Variants in SEMA7A observed in about 807,000 individuals in gnomAD.
SEMA7A encodes the protein semaphorin-7A.
SEMA7A carries 21 observed loss-of-function variants against 67.5 expected under a neutral mutation model. The observed-to-expected ratio is 0.31, with a 90% CI of 0.22 to 0.45. The LOEUF is 0.45. Among genes scored for constraint, SEMA7A ranks in the 20% least tolerant of loss-of-function variants. The pLI, the probability that SEMA7A is intolerant of heterozygous loss-of-function variation, is 1.00. For synonymous variants in SEMA7A, 364 were observed against 368.5 expected (o/e 0.99, Z 0.14); for missense variants, 774 against 908.6 (o/e 0.85, Z 1.90).
At chr15:74,416,352 C>A (rs2060948375) in intron 7 of SEMA7A, among the ~76,000 whole-genome samples, 1 of 152,088 alleles carries the variant, frequency 6.6e-6, no homozygotes, top group South Asian at 2.1e-4. Context: ...CCCCATCATA[C>A]ACACGCTCAC....
Position 74,423,446 on chromosome 15 carries a change from G to A in SEMA7A, c.179-4494C>T, listed in dbSNP as rs2061017367. Among the ~76,000 whole-genome samples the A allele has an allele frequency of 6.6e-6, 1 of 152,150 alleles. No individual in the cohort carries two copies. The highest frequency in any genetic ancestry group is 2.4e-5 in the African/African-American group (1 of 41,436). On this transcript the variant is annotated intron_variant, in intron 1 of 13. Coordinates refer to ENST00000261918, the MANE Select transcript of SEMA7A (RefSeq NM_003612.5). The surrounding 1 kb of genome is among the most constrained non-coding windows in gnomAD (Gnocchi z 4.1). ...ACCGGCCCAAGGACACAGAGCGAGG[G>A]AAGCTCCAAGTTTCCAGTACCCATT...
Position 74,417,910 on chromosome 15 carries a change from G to A in SEMA7A, c.432C>T (p.Gly144=). 6.2e-7 allele frequency: 1 copy of A among 1,613,366 alleles called. No homozygotes were observed. Among genetic ancestry groups the A allele is most frequent in the African/African-American group, 1.3e-5 (1 of 75,052 alleles). ...AGCAGCTGGGGTGCCGGGCGTTGGTGCCACAGGCCAGCAGCCCCTCACTCC... is the reference window on the plus strand; with the variant it reads ...AGCAGCTGGGGTGCCGGGCGTTGGTACCACAGGCCAGCAGCCCCTCACTCC... ...ERRSEGLLAC[G]TNARHPSCWN... Residue 144 remains glycine, a synonymous_variant, in exon 4 of 14, where the codon GGC becomes GGT. Coordinates refer to ENST00000261918, the MANE Select transcript of SEMA7A (RefSeq NM_003612.5).
intron 10 of SEMA7A, among the ~76,000 whole-genome samples, 186 bp from the exon 11 acceptor site, chr15:74,412,198 A>T (rs2060908088): frequency 6.6e-6 from 1 of 152,188 alleles, no homozygotes; most frequent in Non-Finnish European, 1.5e-5. Flanking sequence ...GAACCTTCCA[A>T]GGCTGATCCA....
chr15:74,421,588 C>T (rs1055397534), intron 1 of SEMA7A, among the ~76,000 whole-genome samples: 5 of 152,224 alleles, frequency 3.3e-5, no homozygotes, highest in African/African-American at 1.2e-4. Context: ...GAGGGAATGA[C>T]ACCAGCTCAG....
chr15:74,417,814 A>C (rs943715053), intron 4 of SEMA7A, 63 bp downstream of exon 4: 1 of 1,575,154 alleles, frequency 6.3e-7, no homozygotes, highest in Admixed American at 1.7e-5. Flanking sequence ...TCCCACCATG[A>C]GGGGCAGAAG....
At chr15:74,417,516 CAA>C in intron 5 of SEMA7A, 71 bp from the exon 6 acceptor site, 1 of 1,587,244 alleles carries the variant, frequency 6.3e-7, no homozygotes, top group Non-Finnish European at 8.6e-7. Flanking sequence ...GGACACTGGA[CAA>C]AGAGCTGACC....
chr15:74,413,033 C>G (rs192885227), intron 10 of SEMA7A, among the ~76,000 whole-genome samples: 101 of 152,292 alleles, frequency 6.6e-4, no homozygotes, highest in Admixed American at 2.1e-3. Context: ...CCCTCTCTCC[C>G]TCCCTCCCAA....
chr15:74,432,876 C>T (rs2061101195), intron 1 of SEMA7A, among the ~76,000 whole-genome samples: 2 of 152,086 alleles, frequency 1.3e-5, no homozygotes, highest in African/African-American at 4.8e-5. Flanking sequence ...AAACCCCCGC[C>T]TAACCGGCTT....
In SEMA7A at chr15:74,414,820, G is replaced by A. The variant is rs757502834; in HGVS notation, c.1095+18C>T. ...AGAAGGAGGGCTGGGCCTGGGCCAC[G>A]GCTGGTGTCACGCTCACCTTGCCAG... On this transcript the variant is annotated intron_variant, in intron 9 of 13. Transcript: ENST00000261918. This position sits in a 1 kb window ranked among gnomAD's most constrained non-coding sequence, Gnocchi z 4.1. 5.0e-5 allele frequency: 81 copies of A among 1,613,758 alleles called. 1 individual carries two copies. The South Asian group carries it at 6.7e-4, about 13-fold the overall frequency.
At chr15:74,424,999 G>T (rs2061031791) in intron 1 of SEMA7A, among the ~76,000 whole-genome samples, 1 of 152,236 alleles carries the variant, frequency 6.6e-6, no homozygotes. Flanking sequence ...GTGGAGGGAG[G>T]GAGGCAGGTG....
intron 1 of SEMA7A, among the ~76,000 whole-genome samples, chr15:74,425,172 G>A (rs2061033389): frequency 1.3e-5 from 2 of 152,258 alleles, no homozygotes; most frequent in Admixed American, 6.5e-5. Context: ...GCCAGAGGAG[G>A]AGGAGGAAGA....
At chr15:74,429,637 C>T (rs1017755856) in intron 1 of SEMA7A, among the ~76,000 whole-genome samples, 1 of 152,250 alleles carries the variant, frequency 6.6e-6, no homozygotes, top group East Asian at 1.9e-4. Context: ...CTGCCTGCCA[C>T]GGCCCTTCTC....
rs557589457 is a variant in SEMA7A at position 74,411,259 on chromosome 15, T to C, written c.1639+36A>G. The stretch of plus-strand genomic sequence containing the variant: ...TCAGGGCAGGGCAGTACCCCACTCA[T>C]TGGGCCACAGCCGCCAGCAGGGCCA... On this transcript the variant is annotated intron_variant, in intron 13 of 13. Coordinates refer to ENST00000261918, the MANE Select transcript of SEMA7A (RefSeq NM_003612.5). This position sits in a 1 kb window ranked among gnomAD's most constrained non-coding sequence, Gnocchi z 4.4. The C allele has an allele frequency of 1.1e-5, 18 of 1,604,054 alleles. No individual in the cohort carries two copies. The highest frequency in any genetic ancestry group is 3.4e-5 in the Admixed American group (2 of 59,650).
intron 1 of SEMA7A, among the ~76,000 whole-genome samples, chr15:74,433,093 G>A (rs921642422): frequency 6.6e-6 from 1 of 152,148 alleles, no homozygotes; most frequent in South Asian, 2.1e-4. Flanking sequence ...CGGGCAAGGG[G>A]GGAGCGGCCG....
chr15:74,414,434 T>C lies in SEMA7A; in HGVS notation c.1294+113A>G. On this transcript the variant is annotated intron_variant, in intron 10 of 13. Coordinates refer to ENST00000261918, the MANE Select transcript of SEMA7A (RefSeq NM_003612.5). This position sits in a 1 kb window ranked among gnomAD's most constrained non-coding sequence, Gnocchi z 4.1. ...ATTAACCCCTGACAACTCCAGTCAC[T>C]CAATTATTCCTTCCACATGTAAAGA... The C allele has an allele frequency of 2.7e-6, 3 of 1,113,978 alleles. No individual in the cohort carries two copies. Among genetic ancestry groups the C allele is most frequent in the Non-Finnish European group, 4.0e-6 (3 of 750,050 alleles). 69.0% of individuals were successfully genotyped at this position (1,113,978 alleles called of 1,614,324 possible).
rs1567077005 is a variant in SEMA7A at position 74,423,958 on chromosome 15, G to A, written c.179-5006C>T. ...TAGATTAGCTAGTCGCCTGGCAGGG[G>A]CAGAGCCTGTGTGCTGGGGCAGGTG... is the stretch of plus-strand genomic sequence containing the variant. On this transcript the variant is annotated intron_variant, in intron 1 of 13. Transcript: ENST00000261918. This position sits in a 1 kb window ranked among gnomAD's most constrained non-coding sequence, Gnocchi z 4.1. Among the ~76,000 whole-genome samples the A allele has an allele frequency of 6.6e-6, 1 of 152,240 alleles. No homozygotes were observed. The highest frequency in any genetic ancestry group is 1.5e-5 in the Non-Finnish European group (1 of 68,048).
In SEMA7A at chr15:74,412,140, C is replaced by T. The variant is rs182878525; in HGVS notation, c.1295-128G>A. The T allele has an allele frequency of 7.7e-5, 86 of 1,118,156 alleles. No individual in the cohort carries two copies. In the Admixed American group the frequency reaches 9.0e-4, roughly 12 times the overall value. The allele number at this position is 1,118,156 out of a possible 1,614,324, so 69.3% of individuals were successfully genotyped here. On this transcript the variant is annotated intron_variant, in intron 10 of 13. Transcript: ENST00000261918. The stretch of plus-strand genomic sequence containing the variant: ...GGTCACAGGACTGGTGTGGGCAGGG[C>T]GAGGAGAGCGTGACTGGGGAAGAAT...
intron 10 of SEMA7A, among the ~76,000 whole-genome samples, chr15:74,412,240 T>C (rs2060908376): frequency 6.6e-6 from 1 of 152,154 alleles, no homozygotes; most frequent in South Asian, 2.1e-4. Context: ...CAGGGGTCCC[T>C]GGATACGGCC....
chr15:74,429,438 C>T (rs2061069399), intron 1 of SEMA7A, among the ~76,000 whole-genome samples: 2 of 152,260 alleles, frequency 1.3e-5, no homozygotes, highest in South Asian at 4.1e-4. Flanking sequence ...CTGCCACCTC[C>T]ATGCTCCTTC....
Sources: gnomAD v4.1 joint callset for allele counts (sites outside exome capture counted in the v4.1 genomes callset) on GRCh38, gnomAD v4.1.1 for gene constraint, Gnocchi (gnomAD v3.1) non-coding constraint, MANE v1.5 for transcripts, NCBI Gene and HGNC (gene_info 2026-07-23, HGNC 2026-07-21) for gene names.